IKZF1: variants seen among roughly 807,000 people sequenced by gnomAD.
The protein encoded by IKZF1 is IKAROS family zinc finger 1, also known as DNA-binding protein Ikaros.
A neutral mutation model predicts 51.7 loss-of-function variants in IKZF1; 10 were observed. The observed-to-expected ratio is 0.19, with a 90% CI of 0.12 to 0.33. IKZF1 has a LOEUF of 0.33. Ranked by LOEUF, IKZF1 falls within the 10% of genes least tolerant of loss-of-function variation. The pLI, the probability that IKZF1 is intolerant of heterozygous loss-of-function variation, is 1.00. For missense variants in IKZF1, 484 were observed against 707.5 expected (o/e 0.68, Z 3.58); for synonymous variants, 280 against 282.3 (o/e 0.99, Z 0.08).
At chr7:50,368,589 G>A in intron 3 of IKZF1, 1 of 486,424 alleles carries the variant, frequency 2.1e-6, no homozygotes, top group Non-Finnish European at 3.6e-6. Flanking sequence ...CCAACGTACT[G>A]TTCCTGCTTG....
intron 3 of IKZF1, among the ~76,000 whole-genome samples, chr7:50,339,388 A>G (rs1441499853): frequency 6.6e-6 from 1 of 152,106 alleles, no homozygotes; most frequent in Non-Finnish European, 1.5e-5. Flanking sequence ...ATGTTGGAGC[A>G]ACTAGACTCT....
chr7:50,349,041 G>T (rs939315921), intron 3 of IKZF1, among the ~76,000 whole-genome samples: 29 of 152,128 alleles, frequency 1.9e-4, no homozygotes, highest in Admixed American at 1.9e-3. Flanking sequence ...TTTATAACAC[G>T]AACGGAGGTT....
chr7:50,370,658 G>T (rs1401286536), intron 3 of IKZF1, among the ~76,000 whole-genome samples: 1 of 152,292 alleles, frequency 6.6e-6, no homozygotes, highest in South Asian at 2.1e-4. Flanking sequence ...CATATTTATT[G>T]TCACATTTAT....
intron 3 of IKZF1, among the ~76,000 whole-genome samples, chr7:50,363,579 A>G (rs1298270311): frequency 6.6e-6 from 1 of 152,176 alleles, no homozygotes; most frequent in African/African-American, 2.4e-5. Flanking sequence ...ATTGTATTTT[A>G]GTTGCCTCTT....
intron 1 of IKZF1, among the ~76,000 whole-genome samples, chr7:50,309,083 G>A (rs570090611): frequency 2.0e-5 from 3 of 152,334 alleles, no homozygotes; most frequent in East Asian, 3.9e-4. Flanking sequence ...CCGTCTGAAC[G>A]CTCTGCTTTC....
chr7:50,372,442 G>A (rs572783530), intron 3 of IKZF1, among the ~76,000 whole-genome samples: 1 of 152,328 alleles, frequency 6.6e-6, no homozygotes, highest in Admixed American at 6.5e-5. Flanking sequence ...GAAGTTGTCC[G>A]AATAGTGCTA....
chr7:50,399,167 T>C (rs1817464136), intron 7 of IKZF1, among the ~76,000 whole-genome samples: 1 of 152,208 alleles, frequency 6.6e-6, no homozygotes, highest in Non-Finnish European at 1.5e-5. Context: ...GCAACTATTT[T>C]CCCTGTAGCT....
intron 1 of IKZF1, among the ~76,000 whole-genome samples, chr7:50,316,927 T>C (rs1791717220): frequency 6.6e-6 from 1 of 152,242 alleles, no homozygotes; most frequent in Admixed American, 6.5e-5. Flanking sequence ...AGTTGACTAG[T>C]GTGTAGCCAG....
rs1044459786 is a variant in IKZF1 at position 50,402,697 on chromosome 7, A to G, written c.*2070A>G. The G allele has an allele frequency of 4.3e-5, 10 of 230,104 alleles. No homozygotes were observed. The highest frequency in any genetic ancestry group is 2.2e-4 in the African/African-American group (10 of 45,170). 14.3% of individuals were successfully genotyped at this position (230,104 alleles called of 1,614,324 possible). ...TTCGGTCTTAAAAATATATTTCCTCATAAACATTTGAGTTTTGTTGAAAAG... is the reference window on the plus strand; with the variant it reads ...TTCGGTCTTAAAAATATATTTCCTCGTAAACATTTGAGTTTTGTTGAAAAG... On this transcript the variant is annotated 3_prime_UTR_variant, in exon 8 of 8. Transcript: ENST00000331340.
intron 3 of IKZF1, among the ~76,000 whole-genome samples, chr7:50,335,971 C>T (rs1279190177): frequency 6.6e-6 from 1 of 152,184 alleles, no homozygotes; most frequent in African/African-American, 2.4e-5. Flanking sequence ...TGAAGCCTGA[C>T]CCAGCAGGGC....
intron 6 of IKZF1, 147 bp downstream of exon 6, chr7:50,387,617 C>A: frequency 4.7e-6 from 6 of 1,265,900 alleles, no homozygotes; most frequent in Non-Finnish European, 6.3e-6. Context: ...TGGCCAATAG[C>A]ATCAGTTTCA....
At chr7:50,363,688 C>T (rs1427517675) in intron 3 of IKZF1, among the ~76,000 whole-genome samples, 1 of 152,236 alleles carries the variant, frequency 6.6e-6, no homozygotes, top group East Asian at 1.9e-4. Context: ...TGAGCCTCCT[C>T]ACTAGAGGGT....
chr7:50,358,504 G>A (rs1010529107), intron 3 of IKZF1, among the ~76,000 whole-genome samples: 8 of 152,198 alleles, frequency 5.3e-5, no homozygotes, highest in Non-Finnish European at 2.9e-5. Context: ...CCAGCTGTAT[G>A]GTGACATGAG....
At chr7:50,311,461 C>A (rs1371802206) in intron 1 of IKZF1, among the ~76,000 whole-genome samples, 1 of 152,038 alleles carries the variant, frequency 6.6e-6, no homozygotes, top group African/African-American at 2.4e-5. Flanking sequence ...CCTCAGTGGG[C>A]CAATCAATCA....
At chr7:50,380,371 G>A (rs77452955) in intron 4 of IKZF1, among the ~76,000 whole-genome samples, 1,801 of 152,340 alleles carry the variant, frequency 0.012, 36 homozygotes, top group African/African-American at 0.039. Context: ...CTCTGCAGAA[G>A]GGCATGTGTC....
chr7:50,366,473 T>C (rs1440101252), intron 3 of IKZF1, among the ~76,000 whole-genome samples: 2 of 152,192 alleles, frequency 1.3e-5, no homozygotes, highest in Non-Finnish European at 2.9e-5. Flanking sequence ...TTCAGGGTAC[T>C]GGTAAACATG....
In IKZF1 at chr7:50,404,393, A is replaced by G. The variant is rs951529663; in HGVS notation, c.*3766A>G. 2 of 227,572 alleles carry G rather than the reference A, an allele frequency of 8.8e-6. No homozygotes were observed. The highest frequency in any genetic ancestry group is 1.8e-4 in the South Asian group (1 of 5,488). 14.1% of individuals were successfully genotyped at this position (227,572 alleles called of 1,614,324 possible). Reference sequence around the variant, plus strand: ...AGTATCCTTTTGTACACATTTTGAAATGCTTCTTCTGTAGTGATAGAACAA... The same window carrying G: ...AGTATCCTTTTGTACACATTTTGAAGTGCTTCTTCTGTAGTGATAGAACAA... On this transcript the variant is annotated 3_prime_UTR_variant, in exon 8 of 8. Transcript: ENST00000331340.
intron 3 of IKZF1, among the ~76,000 whole-genome samples, chr7:50,338,377 C>T (rs1028459954): frequency 1.3e-5 from 2 of 152,052 alleles, no homozygotes; most frequent in Non-Finnish European, 2.9e-5. Flanking sequence ...TTTCTGTTGC[C>T]GGGTTTTTGG....
At chr7:50,359,711 G>C (rs1039187921) in intron 3 of IKZF1, among the ~76,000 whole-genome samples, 23 of 152,222 alleles carry the variant, frequency 1.5e-4, no homozygotes, top group Admixed American at 1.5e-3. Flanking sequence ...CACCAGACCA[G>C]ATGCACCCAC....
Sources: allele counts gnomAD v4.1 joint callset (sites outside exome capture counted in the v4.1 genomes callset), GRCh38; gene constraint gnomAD v4.1.1; transcripts MANE v1.5; gene names NCBI Gene and HGNC (gene_info 2026-07-23, HGNC 2026-07-21).